The following SLC35A3 variants were observed in gnomAD, a reference collection of about 807,000 sequenced individuals.
SLC35A3 encodes the protein solute carrier family 35 member A3, also known as UDP-N-acetylglucosamine transporter.
A neutral mutation model predicts 39.0 loss-of-function variants in SLC35A3; 26 were observed. The ratio of observed to expected loss-of-function variants is 0.67; its 90% CI spans 0.49 to 0.92. SLC35A3 has a LOEUF of 0.92. Ranked by LOEUF, SLC35A3 falls within the 40% of genes least tolerant of loss-of-function variation. SLC35A3 has a pLI of 0.00. For synonymous variants in SLC35A3, 135 were observed against 133.1 expected, an observed-to-expected ratio of 1.01 and a Z score of -0.10; for missense variants, 299 against 371.6, an observed-to-expected ratio of 0.80 and a Z score of 1.61.
chr1:99,983,986 G>T (rs1657609107), intron 1 of SLC35A3, among the ~76,000 whole-genome samples: 1 of 152,110 alleles, frequency 6.6e-6, no homozygotes, highest in Non-Finnish European at 1.5e-5. Flanking sequence ...TAGAAGAATT[G>T]TAATGTTCTC....
chr1:100,008,993 A>G (rs1205167761), intron 4 of SLC35A3: 1 of 152,202 alleles, frequency 6.6e-6, no homozygotes, highest in East Asian at 1.9e-4. Context: ...TCCTGTAAGT[A>G]CAGATGACTC....
In SLC35A3 at chr1:100,029,748, T is replaced by C. The variant is rs1360350982; in HGVS notation, c.*7272T>C. ...ACCCAGCCCAGAGACTTTTAATTTATACATTGTCATTTTTAATTTTAGAAT... is the reference window on the plus strand; with the variant it reads ...ACCCAGCCCAGAGACTTTTAATTTACACATTGTCATTTTTAATTTTAGAAT... On this transcript the variant is annotated 3_prime_UTR_variant, in exon 8 of 8. Coordinates refer to ENST00000533028, the MANE Select transcript of SLC35A3 (RefSeq NM_012243.3). 2 of 152,176 alleles carry C rather than the reference T, an allele frequency of 1.3e-5. No individual in the cohort carries two copies. Among genetic ancestry groups the C allele is most frequent in the African/African-American group, 4.8e-5 (2 of 41,436 alleles). 9.4% of individuals were successfully genotyped at this position (152,176 alleles called of 1,614,324 possible).
chr1:99,991,682 C>T (rs1387702429), intron 1 of SLC35A3, among the ~76,000 whole-genome samples: 1 of 152,188 alleles, frequency 6.6e-6, no homozygotes, highest in African/African-American at 2.4e-5. Context: ...GTGATCATCA[C>T]TAGGAAAGCA....
At position 99,977,525 on chromosome 1, in the gene SLC35A3, A is replaced by T. The variant is rs528788874; in HGVS notation, c.-19+7363A>T. Among the ~76,000 whole-genome samples the T allele has an allele frequency of 1.7e-4, 24 of 139,588 alleles. No individual in the cohort carries two copies. The East Asian group carries it at 5.7e-3, about 33-fold the overall frequency. The allele number at this position is 139,588 out of a possible 152,430, so 91.6% of individuals were successfully genotyped here. On this transcript the variant is annotated intron_variant, in intron 1 of 7. Coordinates refer to ENST00000533028, the MANE Select transcript of SLC35A3 (RefSeq NM_012243.3). The stretch of plus-strand genomic sequence containing the variant: ...CCATTGCACTCCAGCTTGGGCGACA[A>T]GAGTGAAATTCCATCTCAGAAGGAA...
chr1:100,006,159 G>A, intron 3 of SLC35A3, among the ~76,000 whole-genome samples: 1 of 152,150 alleles, frequency 6.6e-6, no homozygotes, highest in Non-Finnish European at 1.5e-5. Context: ...GACTGAAGTT[G>A]TTAGTGGAGG....
chr1:99,971,957 T>G (rs1462046925), intron 1 of SLC35A3, among the ~76,000 whole-genome samples: 1 of 151,982 alleles, frequency 6.6e-6, no homozygotes, highest in African/African-American at 2.4e-5. Flanking sequence ...GAGTTCAATG[T>G]TGCGATCTCG....
intron 4 of SLC35A3, chr1:100,007,363 T>C (rs1659314744): frequency 7.0e-6 from 3 of 426,922 alleles, no homozygotes; most frequent in Non-Finnish European, 1.2e-5. Flanking sequence ...AATAAAATTA[T>C]ATTACCTACA....
chr1:99,994,317 A>G (rs1233076185), intron 2 of SLC35A3, among the ~76,000 whole-genome samples: 1 of 152,068 alleles, frequency 6.6e-6, no homozygotes, highest in Non-Finnish European at 1.5e-5. Flanking sequence ...GTGTTGTACA[A>G]CAGTGTAAAT....
At position 100,027,206 on chromosome 1, in the gene SLC35A3, CT is replaced by C. The variant is rs1486583230; in HGVS notation, c.*4733del. On this transcript the variant is annotated 3_prime_UTR_variant, in exon 8 of 8. Coordinates refer to ENST00000533028, the MANE Select transcript of SLC35A3 (RefSeq NM_012243.3). ...GTGGCTCATTCCTGTAATCCCAACA[CT>C]TTAGGAAGCCAAGGCAGAAGAATCG... 2.5e-6 allele frequency: 1 copy of C among 398,566 alleles called. No homozygotes were observed. 24.7% of individuals were successfully genotyped at this position (398,566 alleles called of 1,614,324 possible).
chr1:100,011,666 G>C (rs191714270), intron 5 of SLC35A3, 133 bp downstream of exon 5: 2 of 285,782 alleles, frequency 7.0e-6, no homozygotes, highest in Admixed American at 1.0e-4. Flanking sequence ...CAATGCTCTT[G>C]TCTTTTAAAA....
At position 100,030,209 on chromosome 1, in the gene SLC35A3, A is replaced by C. The variant is rs190024270; in HGVS notation, c.*7733A>C. 3.1e-4 allele frequency: 47 copies of C among 152,286 alleles called. No homozygotes were observed. Among genetic ancestry groups the C allele is most frequent in the African/African-American group, 1.1e-3 (45 of 41,562 alleles). 9.4% of individuals were successfully genotyped at this position (152,286 alleles called of 1,614,324 possible). A position where few individuals can be genotyped will look rare whatever the true frequency, so the allele number is the denominator to read the frequency against. On this transcript the variant is annotated 3_prime_UTR_variant, in exon 8 of 8. Transcript: ENST00000533028. ...TAGGATTTCTAAAATGTTAGAGGTA[A>C]TTTGTTTAAAACAAATAACATGGTG...
chr1:99,984,335 A>T (rs1017808341), intron 1 of SLC35A3, among the ~76,000 whole-genome samples: 1 of 152,242 alleles, frequency 6.6e-6, no homozygotes, highest in Non-Finnish European at 1.5e-5. Context: ...GAGTGAGAAC[A>T]TAATGATGTT....
chr1:100,020,378 C>T (rs1231179633), intron 7 of SLC35A3, among the ~76,000 whole-genome samples: 1 of 152,154 alleles, frequency 6.6e-6, no homozygotes, highest in Non-Finnish European at 1.5e-5. Flanking sequence ...CATGAACTTT[C>T]AGTCCATGCC....
At chr1:99,983,645 A>G (rs971267211) in intron 1 of SLC35A3, among the ~76,000 whole-genome samples, 17 of 151,152 alleles carry the variant, frequency 1.1e-4, no homozygotes, top group African/African-American at 4.1e-4. Flanking sequence ...TTTTTTTTCG[A>G]GATGGAGTCT....
intron 1 of SLC35A3, among the ~76,000 whole-genome samples, chr1:99,979,277 C>T (rs1253922724): frequency 6.6e-6 from 1 of 151,786 alleles, no homozygotes; most frequent in Non-Finnish European, 1.5e-5. Flanking sequence ...GGAGAGCATC[C>T]ATTCCTTTCC....
chr1:100,003,846 T>C (rs1378869505), intron 3 of SLC35A3, among the ~76,000 whole-genome samples: 1 of 152,238 alleles, frequency 6.6e-6, no homozygotes, highest in African/African-American at 2.4e-5. Context: ...TATAGTGTTG[T>C]TGAATTGATC....
chr1:100,000,278 G>A (rs780575378), intron 3 of SLC35A3, among the ~76,000 whole-genome samples: 1 of 152,000 alleles, frequency 6.6e-6, no homozygotes. Context: ...CTATTCTAAC[G>A]GGGCAGGATG....
chr1:99,990,694 G>A (rs1658030634), intron 1 of SLC35A3, among the ~76,000 whole-genome samples: 1 of 152,040 alleles, frequency 6.6e-6, no homozygotes, highest in Non-Finnish European at 1.5e-5. Flanking sequence ...ATTTATATAT[G>A]GTTTAATAGA....
chr1:100,007,293 G>A, intron 4 of SLC35A3, 137 bp downstream of exon 4: 2 of 734,222 alleles, frequency 2.7e-6, no homozygotes, highest in South Asian at 3.6e-5. Flanking sequence ...TATGTTTTGA[G>A]GGCATCCTTT....
Sources: allele counts gnomAD v4.1 joint callset (sites outside exome capture counted in the v4.1 genomes callset), GRCh38; gene constraint gnomAD v4.1.1; transcripts MANE v1.5; gene names NCBI Gene and HGNC (gene_info 2026-07-23, HGNC 2026-07-21).